Variants in ATP6V0B observed in about 807,000 individuals in gnomAD.
ATP6V0B encodes the protein V-type proton ATPase 21 kDa proteolipid subunit c''.
Under a neutral mutation model 26.2 loss-of-function variants are expected in ATP6V0B, and 4 were observed. That is an observed-to-expected ratio of 0.15 (90% confidence interval 0.08 to 0.35). The LOEUF is 0.35. Among genes scored for constraint, ATP6V0B ranks in the 10% least tolerant of loss-of-function variants. ATP6V0B has a pLI of 1.00. For missense variants in ATP6V0B, 175 were observed against 272.5 expected, an observed-to-expected ratio of 0.64 and a Z score of 2.52; for synonymous variants, 110 against 105.8, an observed-to-expected ratio of 1.04 and a Z score of -0.24.
At chr1:43,975,670 C>CT (rs1362136425) in intron 1 of ATP6V0B, 130 bp from the exon 2 acceptor site, 2 of 995,730 alleles carry the variant, frequency 2.0e-6, no homozygotes, top group African/African-American at 3.2e-5. Flanking sequence ...CACAGCTGTA[C>CT]TGTCACCTGG....
intron 1 of ATP6V0B, chr1:43,975,554 T>A (rs1302423924): frequency 1.7e-6 from 1 of 580,714 alleles, no homozygotes; most frequent in Non-Finnish European, 3.0e-6. Context: ...CCGCCTCGGA[T>A]TCGGGCTTGC....
rs1217231787 is a variant in ATP6V0B, at chr1:43,976,550, C to G, written c.279-40C>G. On this transcript the variant is annotated intron_variant, in intron 4 of 7. Coordinates refer to ENST00000472174, the MANE Select transcript of ATP6V0B (RefSeq NM_004047.5). This position sits in a 1 kb window ranked among gnomAD's most constrained non-coding sequence, Gnocchi z 4.6. ...AGGACGGTTTCTTTCTCATTTCTTT[C>G]TCCTTTCCACTCCTTACCCCTAATC... 10 of 1,606,834 alleles carry G rather than the reference C, an allele frequency of 6.2e-6. No individual in the cohort carries two copies. The highest frequency in any genetic ancestry group is 8.5e-6 in the Non-Finnish European group (10 of 1,173,734).
chr1:43,977,739 C>G (rs1355176711), intron 7 of ATP6V0B: 2 of 1,443,854 alleles, frequency 1.4e-6, no homozygotes, highest in Non-Finnish European at 1.8e-6. Flanking sequence ...GGGTGCTTGA[C>G]TGAGTTGATT....
Position 43,978,208 on chromosome 1 carries a change from T to A in ATP6V0B, c.*201T>A. The A allele has an allele frequency of 2.9e-6, 2 of 682,986 alleles. No individual in the cohort carries two copies. Among genetic ancestry groups the A allele is most frequent in the South Asian group, 1.8e-5 (1 of 57,084 alleles). The allele number at this position is 682,986 out of a possible 1,614,324, so 42.3% of individuals were successfully genotyped here. A position where few individuals can be genotyped will look rare whatever the true frequency, so the allele number is the denominator to read the frequency against. ...GGGAGCAGGCTGCTGCTGCTGACTC[T>A]GTGCAGCTGCGCACCTGTGTCCCCC... On this transcript the variant is annotated 3_prime_UTR_variant, in exon 8 of 8. Coordinates refer to ENST00000472174, the MANE Select transcript of ATP6V0B (RefSeq NM_004047.5).
chr1:43,976,869 C>T lies in ATP6V0B; in HGVS notation c.400+45C>T, dbSNP rs539194978. The T allele has an allele frequency of 6.8e-6, 11 of 1,609,146 alleles. No individual in the cohort carries two copies. The South Asian group carries it at 1.1e-4, about 16-fold the overall frequency. ...AATGCAAAATGCTGGGACTTCATGC[C>T]TGCTTCCACTCTCCCCCATCCCAGC... On this transcript the variant is annotated intron_variant, in intron 6 of 7. Coordinates refer to ENST00000472174, the MANE Select transcript of ATP6V0B (RefSeq NM_004047.5). This position sits in a 1 kb window ranked among gnomAD's most constrained non-coding sequence, Gnocchi z 4.6.
At position 43,975,283 on chromosome 1, in the gene ATP6V0B, G is replaced by A. The variant is rs1314065637; in HGVS notation, c.67+176G>A. ...CCGACAAAGGAGACCCGGATTTCCA[G>A]CTGCTTGAGGAGGGGTGCGGGCGGG... On this transcript the variant is annotated intron_variant, in intron 1 of 7. Transcript: ENST00000472174. The A allele has an allele frequency of 5.9e-6, 5 of 841,688 alleles. No homozygotes were observed. The African/African-American group carries it at 7.1e-5, about 12-fold the overall frequency. The allele number at this position is 841,688 out of a possible 1,614,324, so 52.1% of individuals were successfully genotyped here.
At position 43,975,787 on chromosome 1, in the gene ATP6V0B, C is replaced by G. The variant is rs769037864; in HGVS notation, c.68-13C>G. ...GCAGCCCGTAACCCCCTTTTTCTCC[C>G]TCACTGCTGCAGGAGTCTGCTACAC... On this transcript the variant is annotated splice_polypyrimidine_tract_variant and intron_variant, in intron 1 of 7. Coordinates refer to ENST00000472174, the MANE Select transcript of ATP6V0B (RefSeq NM_004047.5). 6.3e-7 allele frequency: 1 copy of G among 1,589,450 alleles called. No homozygotes were observed. Among genetic ancestry groups the G allele is most frequent in the Admixed American group, 1.8e-5 (1 of 55,676 alleles).
At chr1:43,975,208 C>A in intron 1 of ATP6V0B, 101 bp downstream of exon 1, 1 of 1,296,286 alleles carries the variant, frequency 7.7e-7, no homozygotes, top group Non-Finnish European at 1.0e-6. Context: ...GCCCCCCGCG[C>A]GCTCTGCACC....
In ATP6V0B at chr1:43,978,098, C is replaced by T; in HGVS notation, c.*91C>T. ...GCTGTGTCCCTTAGCCTTTCAGAGGCTTGGTGTTCAGGGCCCTCCCTGCAC... is the reference window on the plus strand; with the variant it reads ...GCTGTGTCCCTTAGCCTTTCAGAGGTTTGGTGTTCAGGGCCCTCCCTGCAC... On this transcript the variant is annotated 3_prime_UTR_variant, in exon 8 of 8. Transcript: ENST00000472174. The T allele has an allele frequency of 1.3e-6, 2 of 1,584,518 alleles. No individual in the cohort carries two copies. Among genetic ancestry groups the T allele is most frequent in the Non-Finnish European group, 1.7e-6 (2 of 1,153,980 alleles).
At chr1:43,977,621 C>T (rs2085536866) in intron 7 of ATP6V0B, 1 of 1,419,668 alleles carries the variant, frequency 7.0e-7, no homozygotes, top group Non-Finnish European at 9.1e-7. Context: ...ATCTCCCTCT[C>T]ACATGCCTGT....
Position 43,976,567 on chromosome 1 carries a change from C to A in ATP6V0B, c.279-23C>A. 1 of 1,613,060 alleles carries A rather than the reference C, an allele frequency of 6.2e-7. No individual in the cohort carries two copies. Among genetic ancestry groups the A allele is most frequent in the Non-Finnish European group, 8.5e-7 (1 of 1,179,074 alleles). ...ATTTCTTTCTCCTTTCCACTCCTTA[C>A]CCCTAATCTCTACCACTACCAGCAT... On this transcript the variant is annotated intron_variant, in intron 4 of 7. Coordinates refer to ENST00000472174, the MANE Select transcript of ATP6V0B (RefSeq NM_004047.5). The surrounding 1 kb of genome is among the most constrained non-coding windows in gnomAD (Gnocchi z 4.6).
rs1041216516 is a variant in ATP6V0B at position 43,976,914 on chromosome 1, T to C, written c.400+90T>C. ...CCCAGCTTGGGCCATCATTTTGATA[T>C]TCTCTCACCTACTTTTTCTGCTTTG... On this transcript the variant is annotated intron_variant, in intron 6 of 7. Transcript: ENST00000472174. The surrounding 1 kb of genome is among the most constrained non-coding windows in gnomAD (Gnocchi z 4.6). The C allele has an allele frequency of 3.7e-5, 60 of 1,601,786 alleles. No homozygotes were observed. Among genetic ancestry groups the C allele is most frequent in the Middle Eastern group, 1.8e-4 (1 of 5,460 alleles).
Position 43,976,984 on chromosome 1 carries a change from A to G in ATP6V0B, c.401-42A>G. On this transcript the variant is annotated intron_variant, in intron 6 of 7. Coordinates refer to ENST00000472174, the MANE Select transcript of ATP6V0B (RefSeq NM_004047.5). The surrounding 1 kb of genome is among the most constrained non-coding windows in gnomAD (Gnocchi z 4.6). Reference sequence around the variant, plus strand: ...GGCCCCATTAGCCCATATCTCCCCCATTCCTGGCTTAGCCTCACTGCACCC... The same window carrying G: ...GGCCCCATTAGCCCATATCTCCCCCGTTCCTGGCTTAGCCTCACTGCACCC... 4 of 1,601,056 alleles carry G rather than the reference A, an allele frequency of 2.5e-6. No homozygotes were observed. Among genetic ancestry groups the G allele is most frequent in the Non-Finnish European group, 3.4e-6 (4 of 1,171,272 alleles).
In ATP6V0B at chr1:43,976,263, G is replaced by A. The variant is rs1209581921; in HGVS notation, c.201-39G>A. The A allele has an allele frequency of 6.2e-7, 1 of 1,610,750 alleles. No homozygotes were observed. Among genetic ancestry groups the A allele is most frequent in the Non-Finnish European group, 8.5e-7 (1 of 1,177,152 alleles). ...CTTAGGCATGCTGAGGGCAGTGACA[G>A]CTTGGGCTCTGCTCATCAGTTTTTT... is the stretch of plus-strand genomic sequence containing the variant. On this transcript the variant is annotated intron_variant, in intron 3 of 7. Coordinates refer to ENST00000472174, the MANE Select transcript of ATP6V0B (RefSeq NM_004047.5). This position sits in a 1 kb window ranked among gnomAD's most constrained non-coding sequence, Gnocchi z 4.6.
Position 43,976,184 on chromosome 1 carries a change from G to C in ATP6V0B, c.200+11G>C. Reference sequence around the variant, plus strand: ...GGTTGGGGCAGCCTGGTGAGTATTGGGGTGGTGGGACTGGGGGCAGGGGCT... The same window carrying C: ...GGTTGGGGCAGCCTGGTGAGTATTGCGGTGGTGGGACTGGGGGCAGGGGCT... On this transcript the variant is annotated intron_variant, in intron 3 of 7. Coordinates refer to ENST00000472174, the MANE Select transcript of ATP6V0B (RefSeq NM_004047.5). The surrounding 1 kb of genome is among the most constrained non-coding windows in gnomAD (Gnocchi z 4.6). 6.2e-7 allele frequency: 1 copy of C among 1,613,440 alleles called. No individual in the cohort carries two copies. Among genetic ancestry groups the C allele is most frequent in the Non-Finnish European group, 8.5e-7 (1 of 1,179,506 alleles).
Position 43,978,050 on chromosome 1 carries a change from CT to C in ATP6V0B, c.*44del. The C allele has an allele frequency of 2.5e-6, 4 of 1,613,792 alleles. No individual in the cohort carries two copies. In the East Asian group the frequency reaches 8.9e-5, roughly 36 times the overall value. On this transcript the variant is annotated 3_prime_UTR_variant, in exon 8 of 8. Coordinates refer to ENST00000472174, the MANE Select transcript of ATP6V0B (RefSeq NM_004047.5). Reference sequence around the variant, plus strand: ...GGCCGTGCCTCACTTTTATTTATTGCTGGTTTTCCTGGGACAGCTGGAGCTG... The same window carrying C: ...GGCCGTGCCTCACTTTTATTTATTGCGGTTTTCCTGGGACAGCTGGAGCTG...
rs2085524315 is a variant in ATP6V0B at position 43,976,708 on chromosome 1, A to G, written c.348+49A>G. ...GGGAATCCATTCCAGTGTGTTCTACACATTCCTTAGAGATTGGATGGGGTG... is the reference window on the plus strand; with the variant it reads ...GGGAATCCATTCCAGTGTGTTCTACGCATTCCTTAGAGATTGGATGGGGTG... On this transcript the variant is annotated intron_variant, in intron 5 of 7. Transcript: ENST00000472174. The surrounding 1 kb of genome is among the most constrained non-coding windows in gnomAD (Gnocchi z 4.6). 6.2e-7 allele frequency: 1 copy of G among 1,613,550 alleles called. No individual in the cohort carries two copies. Among genetic ancestry groups the G allele is most frequent in the Admixed American group, 1.7e-5 (1 of 60,024 alleles).
At position 43,975,414 on chromosome 1, in the gene ATP6V0B, C is replaced by T. The variant is rs554231169; in HGVS notation, c.67+307C>T. 1.6e-4 allele frequency: 89 copies of T among 547,746 alleles called. No individual in the cohort carries two copies. In the East Asian group the frequency reaches 2.5e-3, roughly 16 times the overall value. The allele number at this position is 547,746 out of a possible 1,614,324, so 33.9% of individuals were successfully genotyped here. On this transcript the variant is annotated intron_variant, in intron 1 of 7. Transcript: ENST00000472174. Reference sequence around the variant, plus strand: ...CTTTCTTGCTCCTGACCGGCCCGCTCGGTCACAAGCCGGCTGCTCCGGTTC... The same window carrying T: ...CTTTCTTGCTCCTGACCGGCCCGCTTGGTCACAAGCCGGCTGCTCCGGTTC...
At position 43,978,149 on chromosome 1, in the gene ATP6V0B, G is replaced by A; in HGVS notation, c.*142G>A. On this transcript the variant is annotated 3_prime_UTR_variant, in exon 8 of 8. Transcript: ENST00000472174. ...TCCCCTCTTGCTGCGTGTTGATTTG[G>A]AGGCACTGCAGTCCAGGCCGAGTCC... The A allele has an allele frequency of 7.9e-7, 1 of 1,259,412 alleles. No individual in the cohort carries two copies. Among genetic ancestry groups the A allele is most frequent in the Non-Finnish European group, 1.1e-6 (1 of 870,858 alleles). 78.0% of individuals were successfully genotyped at this position (1,259,412 alleles called of 1,614,324 possible).
Sources: gnomAD v4.1 joint callset for allele counts on GRCh38, gnomAD v4.1.1 for gene constraint, Gnocchi (gnomAD v3.1) non-coding constraint, MANE v1.5 for transcripts, NCBI Gene and HGNC (gene_info 2026-07-23, HGNC 2026-07-21) for gene names.